The following C1orf87 variants were observed in gnomAD, a reference collection of about 807,000 sequenced individuals.
C1orf87 encodes the protein chromosome 1 open reading frame 87.
C1orf87 carries 58 observed loss-of-function variants against 60.5 expected under a neutral mutation model. The ratio of observed to expected loss-of-function variants is 0.96; its 90% CI spans 0.78 to 1.19. C1orf87 has a LOEUF of 1.19. Ranked by LOEUF, C1orf87 falls within the 50% of genes most tolerant of loss-of-function variation. The pLI, the probability that C1orf87 is intolerant of heterozygous loss-of-function variation, is 0.00. For missense variants in C1orf87, 673 were observed against 638.6 expected, an observed-to-expected ratio of 1.05 and a Z score of -0.58; for synonymous variants, 236 against 227.4, an observed-to-expected ratio of 1.04 and a Z score of -0.34.
intron 10 of C1orf87, among the ~76,000 whole-genome samples, chr1:60,000,565 C>T (rs1280666972): frequency 6.6e-6 from 1 of 152,050 alleles, no homozygotes; most frequent in Non-Finnish European, 1.5e-5. Flanking sequence ...TACAACTTCT[C>T]CTGGCTAAAT....
chr1:60,055,432 C>T lies in C1orf87; in HGVS notation c.114G>A (p.Glu38=), dbSNP rs1557478018. 9 of 1,613,684 alleles carry T rather than the reference C, an allele frequency of 5.6e-6. No homozygotes were observed. The highest frequency in any genetic ancestry group is 7.6e-6 in the Non-Finnish European group (9 of 1,179,660). ...QYLVEKPKIK[E]NDSLKTETQT... ...GGGTTTCTGTTTTCAAGCTGTCATT[C>T]TCCTTGCTGTGAAGAAAGAATTGTA... The change falls in exon 3 of 12, where the codon GAG becomes GAA. Residue 38 remains glutamate (E), a synonymous_variant. Transcript: ENST00000371201.
intron 2 of C1orf87, among the ~76,000 whole-genome samples, chr1:60,070,189 G>C (rs1645574797): frequency 6.6e-6 from 1 of 152,126 alleles, no homozygotes; most frequent in South Asian, 2.1e-4. Context: ...CTAATATAGT[G>C]GGCTGCATCT....
At chr1:60,001,267 G>T in intron 9 of C1orf87, 111 bp from the exon 10 acceptor site, 2 of 800,214 alleles carry the variant, frequency 2.5e-6, no homozygotes, top group Non-Finnish European at 3.7e-6. Context: ...TGGAGGCTTT[G>T]CTCTGTGGTT....
chr1:60,047,989 C>T (rs1157762634), intron 3 of C1orf87, among the ~76,000 whole-genome samples: 2 of 152,146 alleles, frequency 1.3e-5, no homozygotes, highest in Non-Finnish European at 2.9e-5. Flanking sequence ...TGTGGTCACT[C>T]ATTTTCAAGG....
intron 7 of C1orf87, among the ~76,000 whole-genome samples, chr1:60,032,736 C>T (rs538517967): frequency 2.6e-5 from 4 of 151,966 alleles, no homozygotes; most frequent in Non-Finnish European, 5.9e-5. Context: ...CCACGCCTGG[C>T]GAGACTCAGT....
intron 9 of C1orf87, among the ~76,000 whole-genome samples, chr1:60,004,773 C>G (rs1197282384): frequency 6.6e-6 from 1 of 151,912 alleles, no homozygotes; most frequent in African/African-American, 2.4e-5. Context: ...ATAAGCCAAG[C>G]TGGCTTCTAG....
intron 10 of C1orf87, among the ~76,000 whole-genome samples, chr1:59,999,243 T>C (rs1459037831): frequency 2.6e-5 from 4 of 152,186 alleles, no homozygotes; most frequent in Non-Finnish European, 5.9e-5. Context: ...TATATGAAAT[T>C]GTACCCACAT....
intron 9 of C1orf87, among the ~76,000 whole-genome samples, chr1:60,003,905 A>G (rs1042179311): frequency 6.6e-6 from 1 of 152,020 alleles, no homozygotes; most frequent in Non-Finnish European, 1.5e-5. Context: ...CAGATGCTAT[A>G]TAGAGCAAAC....
chr1:60,072,926 C>G (rs1645594099), intron 1 of C1orf87, among the ~76,000 whole-genome samples: 1 of 152,176 alleles, frequency 6.6e-6, no homozygotes, highest in Non-Finnish European at 1.5e-5. Flanking sequence ...AATTAGCCGA[C>G]TTGGGAATCT....
intron 4 of C1orf87, 64 bp from the exon 5 acceptor site, chr1:60,040,244 G>T: frequency 6.5e-7 from 1 of 1,546,102 alleles, no homozygotes; most frequent in South Asian, 1.3e-5. Context: ...ACCAAAGCAA[G>T]GAAGCAGAGG....
chr1:60,039,626 G>T (rs1039631013), intron 5 of C1orf87, among the ~76,000 whole-genome samples: 4 of 152,144 alleles, frequency 2.6e-5, no homozygotes, highest in Non-Finnish European at 4.4e-5. Context: ...ATGGACTTGC[G>T]TGGGCCCATT....
At chr1:59,994,218 T>C (rs1285962893) in intron 11 of C1orf87, among the ~76,000 whole-genome samples, 11 of 152,094 alleles carry the variant, frequency 7.2e-5, no homozygotes. Context: ...AGTGACTGGC[T>C]TTTACGGATC....
At chr1:59,997,947 G>T (rs1644975033) in intron 10 of C1orf87, 131 bp from the exon 11 acceptor site, 2 of 820,368 alleles carry the variant, frequency 2.4e-6, no homozygotes, top group African/African-American at 1.7e-5. Flanking sequence ...AAGAGGATGA[G>T]CTTCAAATCT....
In C1orf87 at chr1:60,040,765, T is replaced by G. The variant is rs566572673; in HGVS notation, c.483+226A>C. Among the ~76,000 whole-genome samples, 394 of 151,254 alleles carry G rather than the reference T, an allele frequency of 2.6e-3. 3 individuals carry two copies. The highest frequency in any genetic ancestry group is 6.1e-3 in the South Asian group (29 of 4,780). On this transcript the variant is annotated intron_variant, in intron 4 of 11. Transcript: ENST00000371201. ...CTCAGACTGTCTTTAATTTTTTTTTTTTTTTTTTGTAGAGATGGGGTCTCA... is the reference window on the plus strand; with the variant it reads ...CTCAGACTGTCTTTAATTTTTTTTTGTTTTTTTTGTAGAGATGGGGTCTCA...
intron 8 of C1orf87, among the ~76,000 whole-genome samples, chr1:60,017,170 T>G (rs1478566355): frequency 3.9e-5 from 6 of 152,224 alleles, no homozygotes. Context: ...AGAGTTAATA[T>G]TTATAAAGCA....
intron 2 of C1orf87, among the ~76,000 whole-genome samples, chr1:60,061,776 C>CAAAAAAAAAAAAAA (rs57844722): frequency 1.9e-5 from 1 of 53,172 alleles, no homozygotes; most frequent in Admixed American, 2.7e-4. Context: ...CCATCTCTAC[C>CAAAAAAAAAAAAAA]AAAAAAAAAA....
chr1:60,035,565 C>G (rs753421160), intron 6 of C1orf87, among the ~76,000 whole-genome samples: 1 of 152,174 alleles, frequency 6.6e-6, no homozygotes, highest in Middle Eastern at 3.2e-3. Flanking sequence ...TAACAAATAG[C>G]CTGGCTTTAT....
At chr1:60,017,730 A>T (rs1424799843) in intron 8 of C1orf87, among the ~76,000 whole-genome samples, 1 of 152,160 alleles carries the variant, frequency 6.6e-6, no homozygotes, top group Admixed American at 6.5e-5. Context: ...ACCTGAACTC[A>T]TTTTACATAA....
chr1:60,053,355 C>T (rs1375860264), intron 3 of C1orf87, among the ~76,000 whole-genome samples: 22 of 152,174 alleles, frequency 1.4e-4, no homozygotes, highest in Admixed American at 1.4e-3. Flanking sequence ...AGGCCCTTGA[C>T]CTCTCTGTTT....
Sources: gnomAD v4.1 joint callset for allele counts (sites outside exome capture counted in the v4.1 genomes callset) on GRCh38, gnomAD v4.1.1 for gene constraint, MANE v1.5 for transcripts, NCBI Gene and HGNC (gene_info 2026-07-23, HGNC 2026-07-21) for gene names.